The following COL2A1 variants were observed in gnomAD, a reference collection of about 807,000 sequenced individuals.
The protein encoded by COL2A1 is collagen alpha-1(II) chain.
Under a neutral mutation model 204.5 loss-of-function variants are expected in COL2A1, and 28 were observed. That is an observed-to-expected ratio of 0.14 (90% CI 0.10 to 0.19). COL2A1 has a LOEUF of 0.19. Among genes scored for constraint, COL2A1 ranks in the 10% least tolerant of loss-of-function variants. The pLI is 1.00. For synonymous variants in COL2A1, 708 were observed against 718.7 expected (o/e 0.99, Z 0.24); for missense variants, 1,388 against 2,027.5 (o/e 0.68, Z 6.06).
intron 2 of COL2A1, 103 bp downstream of exon 2, chr12:47,999,816 C>G: frequency 9.9e-7 from 1 of 1,013,094 alleles, no homozygotes; most frequent in Non-Finnish European, 1.5e-6. Flanking sequence ...CCATGGATAA[C>G]TAGCCCCTCT....
rs78564038 is a variant in COL2A1 at position 47,975,801 on chromosome 12, C to T, written c.3597+162G>A. Among the ~76,000 whole-genome samples the T allele has an allele frequency of 4.5e-3, 683 of 152,360 alleles. 8 individuals carry two copies. Among genetic ancestry groups the T allele is most frequent in the African/African-American group, 0.016 (661 of 41,586 alleles). On this transcript the variant is annotated intron_variant, in intron 50 of 53. Transcript: ENST00000380518. ...AGCCCTTCTCTTCAGTTTCCCAGCA[C>T]TGATCATGGGCCCTGTGACCTCTGA... is the stretch of plus-strand genomic sequence containing the variant.
Position 47,973,644 on chromosome 12 carries a change from G to A in COL2A1, c.4318-91C>T, listed in dbSNP as rs61048429. On this transcript the variant is annotated intron_variant, in intron 53 of 53. Coordinates refer to ENST00000380518, the MANE Select transcript of COL2A1 (RefSeq NM_001844.5). The stretch of plus-strand genomic sequence containing the variant: ...GAAGCCCAAAACTGAACAAACTGGC[G>A]AGCATCAGAGCCCACAAGGTTGAAC... 9.5e-3 allele frequency: 14,052 copies of A among 1,475,346 alleles called. 1,101 individuals are homozygous for A. The African/African-American group carries it at 0.17, about 18-fold the overall frequency. The allele number at this position is 1,475,346 out of a possible 1,614,324, so 91.4% of individuals were successfully genotyped here. A position where few individuals can be genotyped will look rare whatever the true frequency, so the allele number is the denominator to read the frequency against.
chr12:47,993,814 C>G lies in COL2A1; in HGVS notation c.919G>C (p.Val307Leu). ...GAKGEAGAPG[V>L]KGESGSPGEN... Reference sequence around the variant, plus strand: ...TGTACTTTCTGGCCTCTCACCTTCACACCAGGAGCACCCGCCTCTCCCTTA... The same window carrying G: ...TGTACTTTCTGGCCTCTCACCTTCAGACCAGGAGCACCCGCCTCTCCCTTA... Residue 307 changes from valine to leucine, a missense_variant, in exon 14 of 54, where the codon GTG becomes CTG. By Grantham distance (32) the Val-to-Leu change is conservative. Coordinates refer to ENST00000380518, the MANE Select transcript of COL2A1 (RefSeq NM_001844.5). 1 of 1,614,136 alleles carries G rather than the reference C, an allele frequency of 6.2e-7. No individual in the cohort carries two copies.
chr12:47,986,332 T>C lies in COL2A1; in HGVS notation c.1527+4A>G. The C allele has an allele frequency of 6.5e-7, 1 of 1,545,638 alleles. No homozygotes were observed. Among genetic ancestry groups the C allele is most frequent in the Admixed American group, 1.9e-5 (1 of 52,020 alleles). On this transcript the variant is annotated splice_donor_region_variant and intron_variant, in intron 23 of 53. Transcript: ENST00000380518. Reference sequence around the variant, plus strand: ...ATGGGATGGAGCCTCCACATTCACTTAACTCTTTCTCCAGGGGGACCGATG... The same window carrying C: ...ATGGGATGGAGCCTCCACATTCACTCAACTCTTTCTCCAGGGGGACCGATG...
rs1249881190 is a variant in COL2A1, at chr12:47,983,677, AC to A, written c.1995+5del. 1.9e-6 allele frequency: 3 copies of A among 1,597,168 alleles called. No homozygotes were observed. Among genetic ancestry groups the A allele is most frequent in the Admixed American group, 3.5e-5 (2 of 57,748 alleles). ...ACTGCACAGAGAGCCTGGTCCAGCC[AC>A]CTACCTGGAACCCAGATGGCCCAGG... On this transcript the variant is annotated splice_donor_5th_base_variant and intron_variant, in intron 30 of 53. Transcript: ENST00000380518.
At chr12:47,999,655 T>TTTTTTTTTG in intron 2 of COL2A1, 1 of 185,846 alleles carries the variant, frequency 5.4e-6, no homozygotes, top group Non-Finnish European at 1.1e-5. Flanking sequence ...TTTTTTTTTG[T>TTTTTTTTTG]AGAATCACAT....
At chr12:47,985,513 G>T (rs1315810432) in intron 26 of COL2A1, 21 bp downstream of exon 26, 3 of 1,611,942 alleles carry the variant, frequency 1.9e-6, no homozygotes, top group African/African-American at 1.3e-5. Flanking sequence ...CCTCCTAGCA[G>T]CCCTCAGAGG....
rs1360388194 is a variant in COL2A1 at position 47,976,515 on chromosome 12, C to G, written c.3488G>C (p.Arg1163Thr). The change falls in exon 49 of 54, where the codon AGA becomes ACA. Residue 1163 changes from arginine (R) to threonine (T), a missense_variant and splice_region_variant. Transcript: ENST00000380518. This position sits in a 1 kb window ranked among gnomAD's most constrained non-coding sequence, Gnocchi z 4.3. Reference sequence around the variant, plus strand: ...ATCTTCCAACTCCATGTCACTTACTCTAGGGCCAGAAGGACCAGCAGGACC... The same window carrying G: ...ATCTTCCAACTCCATGTCACTTACTGTAGGGCCAGAAGGACCAGCAGGACC... ...ASGPAGPSGPRGPPGPVGPSG... is the reference protein window; with the variant it reads ...ASGPAGPSGPTGPPGPVGPSG... 3 of 1,614,180 alleles carry G rather than the reference C, an allele frequency of 1.9e-6. No individual in the cohort carries two copies. The highest frequency in any genetic ancestry group is 1.3e-5 in the African/African-American group (1 of 75,060).
At chr12:47,981,066 TC>T in intron 37 of COL2A1, 98 bp from the exon 38 acceptor site, 1 of 1,266,038 alleles carries the variant, frequency 7.9e-7, no homozygotes, top group Non-Finnish European at 1.1e-6. Context: ...AGCCTCCTGT[TC>T]CCCAGAGACG....
chr12:47,994,076 C>A (rs756574983), intron 12 of COL2A1, 29 bp from the exon 13 acceptor site: 2 of 1,613,694 alleles, frequency 1.2e-6, no homozygotes, highest in Non-Finnish European at 8.5e-7. Context: ...GTGTTCAGAG[C>A]ACAGAGTAAA....
rs1229880033 is a variant in COL2A1, at chr12:47,976,781, C to T, written c.3435+31G>A. 16 of 1,587,904 alleles carry T rather than the reference C, an allele frequency of 1.0e-5. No homozygotes were observed. The highest frequency in any genetic ancestry group is 2.3e-5 in the East Asian group (1 of 44,386). ...GTGGGCTCTGTGTGGCAGGAGGCCT[C>T]GGGAAGTCCCACGCAGGCAGTGACA... On this transcript the variant is annotated intron_variant, in intron 48 of 53. Transcript: ENST00000380518. The surrounding 1 kb of genome is among the most constrained non-coding windows in gnomAD (Gnocchi z 4.3).
At position 48,004,336 on chromosome 12, in the gene COL2A1, C is replaced by A. The variant is rs886049450; in HGVS notation, c.-15G>T. The A allele has an allele frequency of 1.3e-5, 19 of 1,514,992 alleles. No homozygotes were observed. Among genetic ancestry groups the A allele is most frequent in the African/African-American group, 2.8e-5 (2 of 72,314 alleles). 93.8% of individuals were successfully genotyped at this position (1,514,992 alleles called of 1,614,324 possible). ...AGGCGAATCATGGCTCACCGCGGGGCCTGGCTGAGCCGGGCCCGGGCGGAG... is the reference window on the plus strand; with the variant it reads ...AGGCGAATCATGGCTCACCGCGGGGACTGGCTGAGCCGGGCCCGGGCGGAG... On this transcript the variant is annotated 5_prime_UTR_variant, in exon 1 of 54. Transcript: ENST00000380518.
At position 47,980,520 on chromosome 12, in the gene COL2A1, G is replaced by A. The variant is rs373890202; in HGVS notation, c.2625+34C>T. On this transcript the variant is annotated intron_variant, in intron 39 of 53. Transcript: ENST00000380518. The surrounding 1 kb of genome is among the most constrained non-coding windows in gnomAD (Gnocchi z 4.5). ...ATCTGCACGCCAGGAGCCCTTCCTTGAGGGAACAATTCTTGGAGTGCAGCG... is the reference window on the plus strand; with the variant it reads ...ATCTGCACGCCAGGAGCCCTTCCTTAAGGGAACAATTCTTGGAGTGCAGCG... 69 of 1,552,702 alleles carry A rather than the reference G, an allele frequency of 4.4e-5. No individual in the cohort carries two copies. Among genetic ancestry groups the A allele is most frequent in the Non-Finnish European group, 5.8e-5 (66 of 1,140,310 alleles).
At chr12:47,995,838 C>G (rs370065559) in intron 9 of COL2A1, 37 bp downstream of exon 9, 5 of 1,609,200 alleles carry the variant, frequency 3.1e-6, no homozygotes, top group Non-Finnish European at 4.3e-6. Context: ...GAATCATCTG[C>G]GACACGATGG....
chr12:47,979,451 G>T (rs1938913324), intron 41 of COL2A1, 60 bp downstream of exon 41: 1 of 1,573,064 alleles, frequency 6.4e-7, no homozygotes, highest in African/African-American at 1.3e-5. Flanking sequence ...GACCCTGTTG[G>T]GTGCTGGGCC....
Position 47,976,798 on chromosome 12 carries a change from G to T in COL2A1, c.3435+14C>A, listed in dbSNP as rs1236027842. ...GGAGGCCTCGGGAAGTCCCACGCAG[G>T]CAGTGACACTCACAGGAGGGCCGGG... On this transcript the variant is annotated intron_variant, in intron 48 of 53. Coordinates refer to ENST00000380518, the MANE Select transcript of COL2A1 (RefSeq NM_001844.5). This position sits in a 1 kb window ranked among gnomAD's most constrained non-coding sequence, Gnocchi z 4.3. The T allele has an allele frequency of 6.2e-7, 1 of 1,607,240 alleles. No homozygotes were observed. Among genetic ancestry groups the T allele is most frequent in the Admixed American group, 1.7e-5 (1 of 59,702 alleles).
At chr12:47,988,701 C>T (rs1389230101) in intron 18 of COL2A1, among the ~76,000 whole-genome samples, 3 of 152,218 alleles carry the variant, frequency 2.0e-5, no homozygotes, top group Non-Finnish European at 2.9e-5. Flanking sequence ...GAGGCCTGTC[C>T]CTGAACTGGC....
chr12:47,974,406 A>G, intron 52 of COL2A1, 75 bp from the exon 53 acceptor site: 1 of 1,585,462 alleles, frequency 6.3e-7, no homozygotes, highest in Admixed American at 1.7e-5. Flanking sequence ...AGGGGCTGCC[A>G]AGAGTTCATG....
chr12:47,979,893 A>T, intron 40 of COL2A1, 116 bp downstream of exon 40: 1 of 958,432 alleles, frequency 1.0e-6, no homozygotes, highest in Non-Finnish European at 1.6e-6. Context: ...TAGGCTGGGG[A>T]CCAACGCAGG....
Sources: allele counts gnomAD v4.1 joint callset (sites outside exome capture counted in the v4.1 genomes callset), GRCh38; gene constraint gnomAD v4.1.1; non-coding constraint Gnocchi (gnomAD v3.1); transcripts MANE v1.5; gene names NCBI Gene and HGNC (gene_info 2026-07-23, HGNC 2026-07-21).